The following TPTE2 variants were observed in gnomAD, a reference collection of about 807,000 sequenced individuals.
The protein encoded by TPTE2 is phosphatidylinositol 3,4,5-trisphosphate 3-phosphatase TPTE2.
Under a neutral mutation model 78.6 loss-of-function variants are expected in TPTE2, and 53 were observed. That is an observed-to-expected ratio of 0.67 (90% CI 0.54 to 0.85). The LOEUF (loss-of-function observed/expected upper bound fraction) is 0.85, where lower values mean the gene tolerates loss of function less well. TPTE2 is among the 40% of genes least tolerant of loss of function. TPTE2 has a pLI of 0.00. For missense variants in TPTE2, 461 were observed against 623.0 expected, an observed-to-expected ratio of 0.74 and a Z score of 2.77; for synonymous variants, 175 against 206.2, an observed-to-expected ratio of 0.85 and a Z score of 1.30.
At chr13:19,484,611 A>C (rs949841306) in intron 3 of TPTE2, among the ~76,000 whole-genome samples, 3 of 152,118 alleles carry the variant, frequency 2.0e-5, no homozygotes, top group African/African-American at 7.2e-5. Context: ...CCCTCTTTAG[A>C]TCTATTAATA....
At chr13:19,443,342 A>T (rs899590855) in intron 13 of TPTE2, among the ~76,000 whole-genome samples, 12 of 136,770 alleles carry the variant, frequency 8.8e-5, no homozygotes, top group Non-Finnish European at 6.1e-5. Flanking sequence ...TTCATGATTT[A>T]AAAAAAAAAA....
intron 3 of TPTE2, among the ~76,000 whole-genome samples, chr13:19,483,896 T>C (rs544035652): frequency 2.5e-4 from 38 of 152,162 alleles, no homozygotes; most frequent in Non-Finnish European, 4.0e-4. Flanking sequence ...GTCATTTACA[T>C]TAGGTATATC....
At chr13:19,465,692 G>A in intron 7 of TPTE2, 128 bp from the exon 11 acceptor site, 1 of 751,028 alleles carries the variant, frequency 1.3e-6, no homozygotes, top group South Asian at 2.0e-5. Flanking sequence ...CTACCTGGGG[G>A]ATATTTGGCA....
chr13:19,464,788 CCT>C (rs1358737976), intron 9 of TPTE2, among the ~76,000 whole-genome samples: 1 of 152,144 alleles, frequency 6.6e-6, no homozygotes, highest in Non-Finnish European at 1.5e-5. Flanking sequence ...TGAAGTTCCC[CCT>C]GTTCTTAGAA....
chr13:19,551,691 T>C, the TPTE2 span, among the ~76,000 whole-genome samples: 3 of 152,138 alleles, frequency 2.0e-5, no homozygotes, highest in Admixed American at 2.0e-4. Flanking sequence ...ATATTAATTA[T>C]ATTATTTACA....
At chr13:19,457,264 C>CT (rs1165494748) in intron 10 of TPTE2, among the ~76,000 whole-genome samples, 7 of 152,102 alleles carry the variant, frequency 4.6e-5, no homozygotes, top group African/African-American at 1.7e-4. Flanking sequence ...GTAGTGCAAC[C>CT]TACCATATGT....
intron 1 of TPTE2, among the ~76,000 whole-genome samples, chr13:19,513,551 A>C (rs1593411888): frequency 6.6e-6 from 1 of 152,188 alleles, no homozygotes; most frequent in African/African-American, 2.4e-5. Flanking sequence ...GCAAGAAACA[A>C]CATAAATGCA....
At chr13:19,511,341 T>C (rs545542903) in intron 1 of TPTE2, among the ~76,000 whole-genome samples, 2 of 152,164 alleles carry the variant, frequency 1.3e-5, no homozygotes, top group South Asian at 4.2e-4. Flanking sequence ...TACAACTTAA[T>C]ACCATTTAAG....
chr13:19,561,038 AG>A, the TPTE2 span: 1 of 1,574,572 alleles, frequency 6.4e-7, no homozygotes, highest in Non-Finnish European at 8.6e-7. Context: ...GCGCTTGGAC[AG>A]GGAGCTGAGC....
In TPTE2 at chr13:19,426,792, C is replaced by T. The variant is rs146407216; in HGVS notation, c.1303-275G>A. 9.7e-3 allele frequency among the ~76,000 whole-genome samples: 1,472 copies of T among 152,092 alleles called. 16 individuals are homozygous for T. Among genetic ancestry groups the T allele is most frequent in the African/African-American group, 0.034 (1,408 of 41,502 alleles). ...TGATCTCGGCTCATGGCAACCTCTG[C>T]CTCCCAGGTTCAAGTGATTCTTGTG... On this transcript the variant is annotated intron_variant, in intron 17 of 19. Coordinates refer to ENST00000400230, the Ensembl canonical transcript of TPTE2.
At chr13:19,461,996 G>T in intron 10 of TPTE2, among the ~76,000 whole-genome samples, 1 of 141,426 alleles carries the variant, frequency 7.1e-6, no homozygotes. Flanking sequence ...AATTTGATCT[G>T]TTTACATTAC....
At chr13:19,424,106 C>T (rs189966426) in intron 19 of TPTE2, among the ~76,000 whole-genome samples, 6 of 152,298 alleles carry the variant, frequency 3.9e-5, no homozygotes, top group Admixed American at 3.9e-4. Context: ...ATCCAGTTCA[C>T]GTTTGAAGAA....
chr13:19,453,538 C>CATATATATATATATATATATATATAT (rs56140648), intron 10 of TPTE2, among the ~76,000 whole-genome samples: 21 of 140,178 alleles, frequency 1.5e-4, no homozygotes, highest in African/African-American at 5.4e-4. Context: ...ATTTTATAAT[C>CATATATATATATATATATATATATAT]ATATATATAT....
intron 15 of TPTE2, among the ~76,000 whole-genome samples, chr13:19,435,100 A>C (rs1264008689): frequency 6.6e-6 from 1 of 152,210 alleles, no homozygotes; most frequent in Non-Finnish European, 1.5e-5. Flanking sequence ...GTAATAAAAA[A>C]TGGTGAGAAA....
intron 15 of TPTE2, among the ~76,000 whole-genome samples, chr13:19,434,140 A>T (rs1876886777): frequency 1.3e-5 from 2 of 152,240 alleles, no homozygotes; most frequent in African/African-American, 4.8e-5. Flanking sequence ...GGGTGGAAAG[A>T]TGGGTAAGCC....
chr13:19,478,823 T>C (rs1880136377), intron 4 of TPTE2, among the ~76,000 whole-genome samples: 2 of 152,142 alleles, frequency 1.3e-5, no homozygotes, highest in African/African-American at 2.4e-5. Flanking sequence ...TGGAATACTA[T>C]GCAGCCATAA....
Position 19,446,223 on chromosome 13 carries a change from C to T in TPTE2, c.973+3853G>A, listed in dbSNP as rs1593359347. 2.0e-5 allele frequency among the ~76,000 whole-genome samples: 3 copies of T among 152,238 alleles called. No homozygotes were observed. The East Asian group carries it at 5.8e-4, about 29-fold the overall frequency. On this transcript the variant is annotated intron_variant, in intron 13 of 19. Transcript: ENST00000400230. ...CTAAAAGTGTTCCATTATGGCACTT[C>T]ACAAAATGATTTTAAAATTGAATGT...
intron 5 of TPTE2, 127 bp downstream of exon 8, chr13:19,475,446 G>A: frequency 1.1e-6 from 1 of 931,838 alleles, no homozygotes; most frequent in Non-Finnish European, 1.5e-6. Context: ...GGCTGGTCTT[G>A]AACTCCTGAC....
intron 10 of TPTE2, among the ~76,000 whole-genome samples, chr13:19,461,771 A>G (rs1878913726): frequency 6.6e-6 from 1 of 152,050 alleles, no homozygotes; most frequent in Non-Finnish European, 1.5e-5. Context: ...TTGTCTCTTC[A>G]TACAGTTTGA....
Sources: gnomAD v4.1 joint callset for allele counts (sites outside exome capture counted in the v4.1 genomes callset) on GRCh38, gnomAD v4.1.1 for gene constraint, MANE v1.5 for transcripts, NCBI Gene and HGNC (gene_info 2026-07-23, HGNC 2026-07-21) for gene names.